The following ANTXR2 variants were observed in gnomAD, a reference collection of about 807,000 sequenced individuals.
The protein encoded by ANTXR2 is ANTXR cell adhesion molecule 2.
A neutral mutation model predicts 73.7 loss-of-function variants in ANTXR2; 44 were observed. The observed-to-expected ratio is 0.60, with a 90% CI of 0.47 to 0.77. The LOEUF (loss-of-function observed/expected upper bound fraction) is 0.77, where lower values mean the gene tolerates loss of function less well. ANTXR2 is among the 30% of genes least tolerant of loss of function. ANTXR2 has a pLI of 0.00. For missense variants in ANTXR2, 604 were observed against 592.5 expected (o/e 1.02, Z -0.20); for synonymous variants, 217 against 205.9 (o/e 1.05, Z -0.46).
At chr4:79,935,271 T>A (rs142514935) in intron 16 of ANTXR2, among the ~76,000 whole-genome samples, 2 of 151,848 alleles carry the variant, frequency 1.3e-5, no homozygotes, top group African/African-American at 4.8e-5. Context: ...AAAAGCACCC[T>A]TTCCTCCAGG....
chr4:79,963,379 G>A lies in ANTXR2; in HGVS notation c.1428+14242C>T, dbSNP rs575478855. Among the ~76,000 whole-genome samples the A allele has an allele frequency of 1.6e-4, 25 of 152,274 alleles. No homozygotes were observed. In the East Asian group the frequency reaches 3.7e-3, roughly 22 times the overall value. On this transcript the variant is annotated intron_variant, in intron 16 of 16. Coordinates refer to ENST00000403729, the MANE Select transcript of ANTXR2 (RefSeq NM_058172.6). ...CTCTGATATTTTTGTGGGTTTTGCT[G>A]TAGATTTAAAAAATTGGAGGATTGA...
At chr4:79,933,542 G>GTTTTA (rs948557103) in intron 16 of ANTXR2, among the ~76,000 whole-genome samples, 1 of 151,912 alleles carries the variant, frequency 6.6e-6, no homozygotes, top group Admixed American at 6.6e-5. Context: ...GTTTTGTTTT[G>GTTTTA]TTTTATTTTA....
At chr4:80,035,861 CA>C (rs1732929980) in intron 8 of ANTXR2, 110 bp downstream of exon 8, 6 of 895,780 alleles carry the variant, frequency 6.7e-6, no homozygotes, top group Admixed American at 3.2e-5. Context: ...AAAAAGATGC[CA>C]AAAAAGTTAA....
intron 16 of ANTXR2, among the ~76,000 whole-genome samples, chr4:79,922,956 C>T (rs557272304): frequency 5.3e-5 from 8 of 152,106 alleles, no homozygotes; most frequent in African/African-American, 1.9e-4. Context: ...AGTGTTTACA[C>T]TTCTAATATT....
chr4:80,049,812 A>G (rs1733693644), intron 7 of ANTXR2, among the ~76,000 whole-genome samples: 1 of 151,746 alleles, frequency 6.6e-6, no homozygotes, highest in African/African-American at 2.4e-5. Context: ...AATGCTTCCC[A>G]AATTTAACGT....
chr4:79,915,854 CTCTCTCTCTATA>C (rs1385824809), intron 16 of ANTXR2, among the ~76,000 whole-genome samples: 4 of 111,292 alleles, frequency 3.6e-5, no homozygotes, highest in African/African-American at 1.2e-4. Context: ...CTCTCTCTCT[CTCTCTCTCTATA>C]TATATATATA....
At chr4:80,006,305 A>G (rs531132006) in intron 12 of ANTXR2, among the ~76,000 whole-genome samples, 6 of 152,130 alleles carry the variant, frequency 3.9e-5, no homozygotes, top group Non-Finnish European at 7.4e-5. Flanking sequence ...CTAGCACAGT[A>G]CTGACACCTA....
intron 8 of ANTXR2, 89 bp downstream of exon 8, chr4:80,035,883 C>A (rs1182395752): frequency 6.1e-6 from 7 of 1,138,768 alleles, no homozygotes; most frequent in Non-Finnish European, 8.7e-6. Flanking sequence ...TTTTGCTATT[C>A]TTTTTCCAAC....
At chr4:80,006,235 T>C (rs1417249165) in intron 12 of ANTXR2, among the ~76,000 whole-genome samples, 4 of 152,190 alleles carry the variant, frequency 2.6e-5, no homozygotes, top group Admixed American at 2.6e-4. Context: ...CATTTCTATG[T>C]TTCCATATTA....
intron 16 of ANTXR2, among the ~76,000 whole-genome samples, chr4:79,907,706 T>C (rs927181044): frequency 2.0e-5 from 3 of 152,174 alleles, no homozygotes; most frequent in Non-Finnish European, 2.9e-5. Flanking sequence ...AAAACAATTA[T>C]GGAAATAGAA....
intron 10 of ANTXR2, among the ~76,000 whole-genome samples, chr4:80,021,724 G>A (rs1732174700): frequency 6.6e-6 from 1 of 151,778 alleles, no homozygotes; most frequent in Non-Finnish European, 1.5e-5. Context: ...AAAAATAACT[G>A]CATTCTCCGA....
chr4:80,007,790 G>C (rs1731378225), intron 12 of ANTXR2, among the ~76,000 whole-genome samples: 1 of 152,278 alleles, frequency 6.6e-6, no homozygotes, highest in Non-Finnish European at 1.5e-5. Flanking sequence ...TTCTTCCTTA[G>C]AGCATTCAGA....
At chr4:79,963,365 T>C (rs1410997891) in intron 16 of ANTXR2, among the ~76,000 whole-genome samples, 2 of 152,186 alleles carry the variant, frequency 1.3e-5, no homozygotes, top group African/African-American at 2.4e-5. Context: ...TCTGATATTT[T>C]TGTGGGTTTT....
At chr4:79,964,693 A>G (rs1305528104) in intron 16 of ANTXR2, 1 of 152,276 alleles carries the variant, frequency 6.6e-6, no homozygotes, top group Non-Finnish European at 1.5e-5. Context: ...CCAGGCAGCG[A>G]GAGTGAGACC....
At chr4:79,985,990 C>T (rs970505708) in intron 12 of ANTXR2, among the ~76,000 whole-genome samples, 3 of 152,046 alleles carry the variant, frequency 2.0e-5, no homozygotes, top group East Asian at 1.9e-4. Flanking sequence ...TACAGGCGCC[C>T]GCCACCACGC....
At position 79,977,655 on chromosome 4, in the gene ANTXR2, C is replaced by T. The variant is rs919099773; in HGVS notation, c.1394G>A (p.Arg465Gln). The change falls in exon 16 of 17, where the codon CGG (arginine) becomes CAG (glutamine). Residue 465 changes from arginine (R) to glutamine (Q), a missense_variant. By Grantham distance (43) the Arg-to-Gln change is conservative (BLOSUM62 1). Transcript: ENST00000403729. ...TTCCTGAGGTCGCATCAAAGAAACCCGGTCATACTGCCGCCTCAACAAAGC... is the reference window on the plus strand; with the variant it reads ...TTCCTGAGGTCGCATCAAAGAAACCTGGTCATACTGCCGCCTCAACAAAGC... ...LWALLRRQYD[R>Q]VSLMRPQEGD... The T allele has an allele frequency of 2.5e-6, 4 of 1,581,750 alleles. No homozygotes were observed. The highest frequency in any genetic ancestry group is 1.8e-5 in the Admixed American group (1 of 55,228).
intron 11 of ANTXR2, among the ~76,000 whole-genome samples, chr4:80,013,078 G>A (rs995926902): frequency 1.3e-5 from 2 of 152,202 alleles, no homozygotes; most frequent in South Asian, 2.1e-4. Flanking sequence ...CAGAAGACCA[G>A]TGATTCCAAG....
intron 12 of ANTXR2, among the ~76,000 whole-genome samples, chr4:79,990,383 CAAA>C (rs70944757): frequency 6.5e-5 from 5 of 76,934 alleles, no homozygotes; most frequent in Admixed American, 1.7e-4. Flanking sequence ...ACAACAGTTA[CAAA>C]AAAAAAAAAA....
In ANTXR2 at chr4:80,059,430, C is replaced by T. The variant is rs1049451165; in HGVS notation, c.297-3417G>A. ...CTGGAGTGCACTGGCACAATCATAG[C>T]TCACTGCAACTTCAAACCCCTGGAC... On this transcript the variant is annotated intron_variant, in intron 3 of 16. Transcript: ENST00000403729. Among the ~76,000 whole-genome samples, 7 of 152,068 alleles carry T rather than the reference C, an allele frequency of 4.6e-5. No homozygotes were observed. In the South Asian group the frequency reaches 1.2e-3, roughly 27 times the overall value.
Sources: gnomAD v4.1 joint callset for allele counts (sites outside exome capture counted in the v4.1 genomes callset) on GRCh38, gnomAD v4.1.1 for gene constraint, MANE v1.5 for transcripts, NCBI Gene and HGNC (gene_info 2026-07-23, HGNC 2026-07-21) for gene names.